TENM2: variants seen among roughly 807,000 people sequenced by gnomAD.
TENM2 encodes the protein teneurin transmembrane protein 2, also known as teneurin-2.
Under a neutral mutation model 245.2 loss-of-function variants are expected in TENM2, and 52 were observed. That is an observed-to-expected ratio of 0.21 (90% CI 0.17 to 0.27). TENM2 has a LOEUF of 0.27. TENM2 is among the 10% of genes least tolerant of loss of function. The pLI, the probability that TENM2 is intolerant of heterozygous loss-of-function variation, is 1.00. For synonymous variants in TENM2, 1,363 were observed against 1,438.9 expected (o/e 0.95, Z 1.19); for missense variants, 3,046 against 3,666.8 (o/e 0.83, Z 4.37).
At chr5:167,656,015 C>T (rs932890218) in intron 2 of TENM2, among the ~76,000 whole-genome samples, 7 of 152,260 alleles carry the variant, frequency 4.6e-5, no homozygotes, top group Non-Finnish European at 8.8e-5. Context: ...TTTCATATTG[C>T]GCCGGGCCTT....
intron 13 of TENM2, among the ~76,000 whole-genome samples, chr5:168,167,342 G>A (rs772157237): frequency 5.4e-4 from 82 of 151,934 alleles, no homozygotes; most frequent in Admixed American, 1.8e-3. Flanking sequence ...AGACTGTCTG[G>A]CCTGGTGAGA....
chr5:167,424,526 G>A lies in TENM2; in HGVS notation c.502+49053G>A, dbSNP rs539785495. 2.3e-3 allele frequency among the ~76,000 whole-genome samples: 351 copies of A among 152,166 alleles called. 1 individual carries two copies. The highest frequency in any genetic ancestry group is 8.0e-3 in the African/African-American group (330 of 41,508). On this transcript the variant is annotated intron_variant, in intron 2 of 28. Coordinates refer to ENST00000518659, the Ensembl canonical transcript of TENM2. ...TATTTAAAAGGATAATAATTTTGCCGCAATCTCGTCACTTTTATTTTTAAT... is the reference window on the plus strand; with the variant it reads ...TATTTAAAAGGATAATAATTTTGCCACAATCTCGTCACTTTTATTTTTAAT...
the TENM2 span, among the ~76,000 whole-genome samples, chr5:167,036,257 G>T: frequency 6.6e-6 from 1 of 152,150 alleles, no homozygotes; most frequent in East Asian, 1.9e-4. Flanking sequence ...GTCCAGCTTG[G>T]AGGTTTGTTT....
At chr5:168,119,075 G>A (rs1410306000) in intron 10 of TENM2, among the ~76,000 whole-genome samples, 1 of 152,172 alleles carries the variant, frequency 6.6e-6, no homozygotes, top group Non-Finnish European at 1.5e-5. Context: ...CAGCAGTCAG[G>A]CTTGAAAGAC....
At chr5:167,808,984 G>A (rs568639321) in intron 2 of TENM2, among the ~76,000 whole-genome samples, 18 of 152,210 alleles carry the variant, frequency 1.2e-4, no homozygotes, top group African/African-American at 2.9e-4. Context: ...AAACTGTGCC[G>A]CACCCTCAGT....
rs181998570 is a variant in TENM2, at chr5:167,985,206, A to G, written c.948-7738A>G. Among the ~76,000 whole-genome samples, 340 of 152,280 alleles carry G rather than the reference A, an allele frequency of 2.2e-3. 3 individuals carry two copies. The highest frequency in any genetic ancestry group is 8.0e-3 in the African/African-American group (332 of 41,570). On this transcript the variant is annotated intron_variant, in intron 4 of 28. Transcript: ENST00000518659. The stretch of plus-strand genomic sequence containing the variant: ...CTCCCTCACTGAGCACCACAGCCCC[A>G]TTCCTGGGGTGTTTCTGCCTCTATC...
chr5:167,342,590 C>T (rs998455360), intron 1 of TENM2, among the ~76,000 whole-genome samples: 18 of 128,886 alleles, frequency 1.4e-4, no homozygotes, highest in African/African-American at 4.1e-4. Flanking sequence ...TGCAGTGGCG[C>T]AATCTCGGCT....
At chr5:167,326,702 A>ATATAT (rs1757104378) in intron 1 of TENM2, among the ~76,000 whole-genome samples, 3 of 143,220 alleles carry the variant, frequency 2.1e-5, no homozygotes, top group African/African-American at 7.7e-5. Flanking sequence ...ATAATAAATA[A>ATATAT]ATATATATAT....
At chr5:167,085,791 C>A in the TENM2 span, among the ~76,000 whole-genome samples, 1 of 152,132 alleles carries the variant, frequency 6.6e-6, no homozygotes, top group African/African-American at 2.4e-5. Context: ...ATGTTCAATG[C>A]CTATGTCAAT....
intron 2 of TENM2, among the ~76,000 whole-genome samples, chr5:167,562,876 G>T (rs1332382951): frequency 1.3e-5 from 2 of 150,788 alleles, no homozygotes; most frequent in Admixed American, 1.3e-4. Flanking sequence ...AGAATCGCTT[G>T]AACCTGGGAG....
Position 167,428,623 on chromosome 5 carries a change from A to G in TENM2, c.502+53150A>G, listed in dbSNP as rs114632372. On this transcript the variant is annotated intron_variant, in intron 2 of 28. Transcript: ENST00000518659. ...AAGTAAAATGATTAATTTGCCTGCA[A>G]TGCTTTTACAGTGTGTCATACTGAA... Among the ~76,000 whole-genome samples, 681 of 152,326 alleles carry G rather than the reference A, an allele frequency of 4.5e-3. 7 individuals carry two copies. Among genetic ancestry groups the G allele is most frequent in the African/African-American group, 0.016 (648 of 41,574 alleles).
intron 1 of TENM2, among the ~76,000 whole-genome samples, chr5:167,286,955 A>G (rs956943028): frequency 2.6e-5 from 4 of 152,246 alleles, no homozygotes; most frequent in African/African-American, 9.6e-5. Context: ...TAGCTTTGCA[A>G]TTAACAATTC....
At chr5:167,468,241 T>C (rs559397782) in intron 2 of TENM2, among the ~76,000 whole-genome samples, 2 of 152,274 alleles carry the variant, frequency 1.3e-5, no homozygotes, top group African/African-American at 4.8e-5. Flanking sequence ...CCATCCCACA[T>C]CTTGTTAGAG....
At chr5:168,167,870 A>AGAAAATG (rs2152462547) in intron 13 of TENM2, among the ~76,000 whole-genome samples, 1 of 152,348 alleles carries the variant, frequency 6.6e-6, no homozygotes, top group African/African-American at 2.4e-5. Flanking sequence ...AGTTTAAGTG[A>AGAAAATG]GAAAATGCAT....
intron 1 of TENM2, among the ~76,000 whole-genome samples, chr5:167,336,201 C>CAAAGAAG (rs1757744841): frequency 2.2e-4 from 5 of 23,244 alleles, no homozygotes. Context: ...TTTTTTTTTT[C>CAAAGAAG]CGGTCAGGGT....
intron 3 of TENM2, among the ~76,000 whole-genome samples, chr5:167,931,549 TGG>T (rs1561949217): frequency 1.3e-4 from 12 of 90,876 alleles, no homozygotes; most frequent in Admixed American, 4.0e-4. Context: ...ATAAACCCAT[TGG>T]AAAAAAAAAA....
intron 2 of TENM2, among the ~76,000 whole-genome samples, chr5:167,499,328 G>A (rs938249401): frequency 2.0e-5 from 3 of 152,114 alleles, no homozygotes; most frequent in African/African-American, 7.2e-5. Flanking sequence ...GAAGGAGAGT[G>A]GGAGCTCAGA....
At chr5:167,370,385 TC>T (rs1760342709) in intron 1 of TENM2, among the ~76,000 whole-genome samples, 1 of 140,070 alleles carries the variant, frequency 7.1e-6, no homozygotes, top group Non-Finnish European at 1.5e-5. Context: ...GTGGAGAGGA[TC>T]TGGATTATAC....
chr5:168,055,787 C>T (rs1479962744), intron 6 of TENM2, among the ~76,000 whole-genome samples: 1 of 152,132 alleles, frequency 6.6e-6, no homozygotes, highest in Non-Finnish European at 1.5e-5. Flanking sequence ...TGCAGAAGCA[C>T]CCCAAAATAC....
Sources: gnomAD v4.1 joint callset for allele counts (sites outside exome capture counted in the v4.1 genomes callset) on GRCh38, gnomAD v4.1.1 for gene constraint, MANE v1.5 for transcripts, NCBI Gene and HGNC (gene_info 2026-07-23, HGNC 2026-07-21) for gene names.